Variants in DAPK2 observed in about 807,000 individuals in gnomAD.
DAPK2 encodes death associated protein kinase 2, also known as death-associated protein kinase 2.
Under a neutral mutation model 44.1 loss-of-function variants are expected in DAPK2, and 35 were observed. That is an observed-to-expected ratio of 0.79 (90% CI 0.61 to 1.05). The LOEUF is 1.05. DAPK2 is among the 50% of genes least tolerant of loss of function. The pLI, the probability that DAPK2 is intolerant of heterozygous loss-of-function variation, is 0.00. For synonymous variants in DAPK2, 174 were observed against 182.6 expected, an observed-to-expected ratio of 0.95 and a Z score of 0.38; for missense variants, 453 against 483.2, an observed-to-expected ratio of 0.94 and a Z score of 0.59.
At chr15:64,037,067 A>C (rs140552310) in intron 1 of DAPK2, among the ~76,000 whole-genome samples, 171 of 152,342 alleles carry the variant, frequency 1.1e-3, no homozygotes, top group African/African-American at 3.9e-3. Flanking sequence ...GCTGAGGCTC[A>C]GAGAGGGCAG....
chr15:63,984,084 C>T lies in DAPK2; in HGVS notation c.93-330G>A, dbSNP rs770810761. Among the ~76,000 whole-genome samples the T allele has an allele frequency of 5.9e-5, 9 of 152,164 alleles. No homozygotes were observed. In the South Asian group the frequency reaches 6.2e-4, roughly 11 times the overall value. On this transcript the variant is annotated intron_variant, in intron 1 of 10. Transcript: ENST00000261891. ...TCTCAGCTAGAACCCAAGTCTAGGA[C>T]CCACCAGATGAAATCACAATGTCCA...
chr15:63,967,014 C>A (rs893615863), intron 3 of DAPK2, among the ~76,000 whole-genome samples: 3 of 151,904 alleles, frequency 2.0e-5, no homozygotes, highest in Non-Finnish European at 4.4e-5. Flanking sequence ...CCCGTCTCTA[C>A]TAAAAATACA....
At chr15:64,007,046 T>C (rs1224686151) in intron 1 of DAPK2, among the ~76,000 whole-genome samples, 2 of 152,052 alleles carry the variant, frequency 1.3e-5, no homozygotes, top group Non-Finnish European at 1.5e-5. Flanking sequence ...TACTGTGCTT[T>C]TTCACTTTAC....
At chr15:63,981,689 A>G (rs2078520052) in intron 2 of DAPK2, among the ~76,000 whole-genome samples, 1 of 151,766 alleles carries the variant, frequency 6.6e-6, no homozygotes, top group Non-Finnish European at 1.5e-5. Flanking sequence ...TAAACTTTTT[A>G]AGAAGTGGCT....
At chr15:64,036,239 G>T (rs1434092805) in intron 1 of DAPK2, among the ~76,000 whole-genome samples, 1 of 147,858 alleles carries the variant, frequency 6.8e-6, no homozygotes, top group African/African-American at 2.5e-5. Flanking sequence ...CCAACCTGGC[G>T]ACAGAGTGAA....
In DAPK2 at chr15:63,923,214, C is replaced by T. The variant is rs1019998869; in HGVS notation, c.858+1602G>A. The T allele has an allele frequency of 3.0e-5, 46 of 1,535,726 alleles. No individual in the cohort carries two copies. The highest frequency in any genetic ancestry group is 2.9e-4 in the African/African-American group (21 of 73,002). ...TCTTCCACCACACAGGCAAAACGCTCGAAGTTGACATAGGAGTTGTTGGGA... is the reference window on the plus strand; with the variant it reads ...TCTTCCACCACACAGGCAAAACGCTTGAAGTTGACATAGGAGTTGTTGGGA... On this transcript the variant is annotated intron_variant, in intron 8 of 10. Transcript: ENST00000261891. The surrounding 1 kb of genome is among the most constrained non-coding windows in gnomAD (Gnocchi z 4.2).
rs1331160896 is a variant in DAPK2 at position 63,912,365 on chromosome 15, T to G, written c.859-168A>C. On this transcript the variant is annotated intron_variant, in intron 8 of 10. Coordinates refer to ENST00000261891, the Ensembl canonical transcript of DAPK2. This position sits in a 1 kb window ranked among gnomAD's most constrained non-coding sequence, Gnocchi z 4.4. ...GGAGCATCACAGTCAGGGCAACAGC[T>G]ACACATGTCTCAGCTGTTCAGGAGT... Among the ~76,000 whole-genome samples, 1 of 152,258 alleles carries G rather than the reference T, an allele frequency of 6.6e-6. No homozygotes were observed. The highest frequency in any genetic ancestry group is 6.5e-5 in the Admixed American group (1 of 15,286).
chr15:64,040,842 A>G (rs2080335363), upstream of DAPK2, among the ~76,000 whole-genome samples: 1 of 138,804 alleles, frequency 7.2e-6, no homozygotes. Context: ...TGAACCCGGG[A>G]GGCAGAGGCT....
intron 8 of DAPK2, among the ~76,000 whole-genome samples, chr15:63,914,872 C>T (rs1438654514): frequency 6.6e-6 from 1 of 152,208 alleles, no homozygotes; most frequent in Non-Finnish European, 1.5e-5. Context: ...CCAACTTCCC[C>T]CATGATTCAC....
upstream of DAPK2, among the ~76,000 whole-genome samples, chr15:64,044,587 AG>A (rs1211670830): frequency 6.6e-6 from 1 of 152,200 alleles, no homozygotes; most frequent in African/African-American, 2.4e-5. Context: ...TCCTCTTCCC[AG>A]GGCTTCTTCT....
intron 8 of DAPK2, chr15:63,920,192 C>G (rs2079033697): frequency 1.3e-5 from 2 of 152,166 alleles, no homozygotes; most frequent in Non-Finnish European, 2.9e-5. Flanking sequence ...CCAGGGCCAC[C>G]CAGCCTCAGA....
rs189093579 is a variant in DAPK2, at chr15:64,013,152, G to A, written c.92+27018C>T. Reference sequence around the variant, plus strand: ...GTGGCAACCAAATCATTAAAGAGCCGACTCATTTCACGGTGCATGTGCACA... The same window carrying A: ...GTGGCAACCAAATCATTAAAGAGCCAACTCATTTCACGGTGCATGTGCACA... On this transcript the variant is annotated intron_variant, in intron 1 of 10. Transcript: ENST00000261891. The surrounding 1 kb of genome is among the most constrained non-coding windows in gnomAD (Gnocchi z 4.7). Among the ~76,000 whole-genome samples, 5 of 152,268 alleles carry A rather than the reference G, an allele frequency of 3.3e-5. No homozygotes were observed. Among genetic ancestry groups the A allele is most frequent in the East Asian group, 1.9e-4 (1 of 5,192 alleles).
At chr15:64,009,665 C>G (rs556861337) in intron 1 of DAPK2, among the ~76,000 whole-genome samples, 1 of 152,136 alleles carries the variant, frequency 6.6e-6, no homozygotes. Context: ...CATGCCACCC[C>G]CCAGGAATCC....
At chr15:63,919,154 C>T (rs1399406313) in intron 8 of DAPK2, 1 of 152,206 alleles carries the variant, frequency 6.6e-6, no homozygotes, top group Non-Finnish European at 1.5e-5. Context: ...AGGTCATGGT[C>T]TCCTCTGCTT....
At chr15:64,026,798 C>T (rs1419232317) in intron 1 of DAPK2, among the ~76,000 whole-genome samples, 1 of 152,178 alleles carries the variant, frequency 6.6e-6, no homozygotes, top group East Asian at 1.9e-4. Context: ...AAAGTGAAAC[C>T]ATCAGTCTAT....
chr15:64,018,663 C>G (rs972306301), intron 1 of DAPK2, among the ~76,000 whole-genome samples: 1 of 152,226 alleles, frequency 6.6e-6, no homozygotes, highest in African/African-American at 2.4e-5. Context: ...ACACCCAGTC[C>G]TGGATTCAGG....
At chr15:64,006,538 G>A (rs1236640589) in intron 1 of DAPK2, among the ~76,000 whole-genome samples, 1 of 152,128 alleles carries the variant, frequency 6.6e-6, no homozygotes. Flanking sequence ...CACCAAAGCA[G>A]GGCAGAAACA....
chr15:63,949,730 G>T (rs1049716689), intron 3 of DAPK2, among the ~76,000 whole-genome samples: 1 of 152,120 alleles, frequency 6.6e-6, no homozygotes, highest in Non-Finnish European at 1.5e-5. Context: ...TGCTACAGAG[G>T]GCCCCATCCT....
chr15:63,910,430 A>G (rs1472228952), intron 10 of DAPK2, among the ~76,000 whole-genome samples: 2 of 152,182 alleles, frequency 1.3e-5, no homozygotes, highest in Non-Finnish European at 2.9e-5. Flanking sequence ...GCCATCCCAG[A>G]CATTCCTGAG....
Sources: allele counts gnomAD v4.1 joint callset (sites outside exome capture counted in the v4.1 genomes callset), GRCh38; gene constraint gnomAD v4.1.1; non-coding constraint Gnocchi (gnomAD v3.1); transcripts MANE v1.5; gene names NCBI Gene and HGNC (gene_info 2026-07-23, HGNC 2026-07-21).